CCDC102B: variants seen among roughly 807,000 people sequenced by gnomAD.
CCDC102B encodes coiled-coil domain containing 102B, also known as coiled-coil domain-containing protein 102B.
A neutral mutation model predicts 57.4 loss-of-function variants in CCDC102B; 75 were observed. That is an observed-to-expected ratio of 1.31 (90% CI 1.08 to 1.58). CCDC102B has a LOEUF of 1.58. Among genes scored for constraint, CCDC102B ranks in the 40% most tolerant of loss-of-function variants. The pLI, the probability that CCDC102B is intolerant of heterozygous loss-of-function variation, is 0.00. For synonymous variants in CCDC102B, 206 were observed against 201.9 expected (o/e 1.02, Z -0.17); for missense variants, 636 against 582.6 (o/e 1.09, Z -0.94).
intron 6 of CCDC102B, among the ~76,000 whole-genome samples, chr18:69,003,961 TC>T (rs1276668616): frequency 2.6e-5 from 4 of 152,196 alleles, no homozygotes; most frequent in African/African-American, 4.8e-5. Flanking sequence ...TGATTTTCAA[TC>T]TTTTAGGCTT....
intron 1 of CCDC102B, among the ~76,000 whole-genome samples, chr18:68,809,897 G>T (rs1029531968): frequency 6.6e-6 from 1 of 152,056 alleles, no homozygotes; most frequent in African/African-American, 2.4e-5. Flanking sequence ...TGCTTTACCT[G>T]CATTTTCTCA....
intron 6 of CCDC102B, among the ~76,000 whole-genome samples, chr18:68,904,035 A>G (rs1006065030): frequency 6.6e-6 from 1 of 152,184 alleles, no homozygotes; most frequent in Non-Finnish European, 1.5e-5. Flanking sequence ...TTTTCCTCAT[A>G]TGATATGTTG....
chr18:68,957,122 T>C (rs2049921696), intron 6 of CCDC102B, among the ~76,000 whole-genome samples: 2 of 152,230 alleles, frequency 1.3e-5, no homozygotes, highest in Non-Finnish European at 1.5e-5. Flanking sequence ...GTGCAGAAGT[T>C]TTTTTAACTT....
intron 1 of CCDC102B, among the ~76,000 whole-genome samples, chr18:68,816,786 CAA>C (rs1181453402): frequency 1.3e-5 from 2 of 152,116 alleles, no homozygotes; most frequent in Admixed American, 6.5e-5. Context: ...TCTAAGGGAA[CAA>C]AAAGTCTTGC....
At chr18:69,016,154 C>T (rs533397686) in intron 7 of CCDC102B, among the ~76,000 whole-genome samples, 5 of 151,774 alleles carry the variant, frequency 3.3e-5, no homozygotes, top group African/African-American at 7.2e-5. Flanking sequence ...TGAGCCACCG[C>T]GCCCGGCCAA....
chr18:68,730,294 C>T (rs959582949), intron 2 of CCDC102B, among the ~76,000 whole-genome samples: 3 of 152,018 alleles, frequency 2.0e-5, no homozygotes, highest in Non-Finnish European at 2.9e-5. Context: ...AATTTAGTGC[C>T]GTGTTTTCTT....
intron 6 of CCDC102B, among the ~76,000 whole-genome samples, chr18:68,973,553 A>C (rs1306803748): frequency 6.6e-6 from 1 of 152,110 alleles, no homozygotes; most frequent in Non-Finnish European, 1.5e-5. Flanking sequence ...ATGCTTAGAA[A>C]TGGTGGTGGG....
chr18:68,779,054 A>G (rs2034919351), intron 2 of CCDC102B, among the ~76,000 whole-genome samples: 1 of 152,106 alleles, frequency 6.6e-6, no homozygotes, highest in South Asian at 2.1e-4. Flanking sequence ...AACGACACAC[A>G]CTATCCAGAG....
intron 6 of CCDC102B, among the ~76,000 whole-genome samples, chr18:68,901,934 C>G (rs2040468835): frequency 6.6e-6 from 1 of 152,082 alleles, no homozygotes; most frequent in Non-Finnish European, 1.5e-5. Flanking sequence ...AGATATAAAC[C>G]TCCTTCATTC....
intron 2 of CCDC102B, among the ~76,000 whole-genome samples, chr18:68,743,396 C>T (rs1323293788): frequency 6.6e-6 from 1 of 151,958 alleles, no homozygotes; most frequent in Non-Finnish European, 1.5e-5. Flanking sequence ...TGAGACAGAG[C>T]GATACTCCAT....
At chr18:68,797,516 A>G (rs1870541207), upstream of CCDC102B, among the ~76,000 whole-genome samples, 2 of 152,058 alleles carry the variant, frequency 1.3e-5, no homozygotes, top group African/African-American at 4.8e-5. Flanking sequence ...AAGGGGCCAG[A>G]GAGCTTTCAC....
intron 2 of CCDC102B, among the ~76,000 whole-genome samples, chr18:68,777,772 C>A (rs2034874643): frequency 6.6e-6 from 1 of 151,564 alleles, no homozygotes; most frequent in Admixed American, 6.6e-5. Context: ...AGTAAATAAA[C>A]AAATAAACAG....
At chr18:68,909,693 TG>T (rs1163220002) in intron 6 of CCDC102B, among the ~76,000 whole-genome samples, 6 of 152,182 alleles carry the variant, frequency 3.9e-5, no homozygotes, top group Non-Finnish European at 8.8e-5. Flanking sequence ...GAATCAACTG[TG>T]GGAAGCTGAA....
At chr18:68,848,765 G>A (rs1185821125) in intron 4 of CCDC102B, among the ~76,000 whole-genome samples, 1 of 151,946 alleles carries the variant, frequency 6.6e-6, no homozygotes, top group Non-Finnish European at 1.5e-5. Context: ...ATGGTCTAGA[G>A]GATCAAACAT....
chr18:68,828,363 A>G (rs187576338), intron 1 of CCDC102B, among the ~76,000 whole-genome samples: 1 of 148,888 alleles, frequency 6.7e-6, no homozygotes, highest in East Asian at 1.9e-4. Context: ...AACTAATGTA[A>G]AAGAATTGAA....
chr18:68,877,914 A>T (rs899682803), intron 5 of CCDC102B, among the ~76,000 whole-genome samples: 3 of 152,180 alleles, frequency 2.0e-5, no homozygotes, highest in African/African-American at 7.2e-5. Context: ...GTGGCTCGTA[A>T]TCACTCAACA....
At chr18:68,800,084 T>C (rs1490773981) in intron 1 of CCDC102B, among the ~76,000 whole-genome samples, 1 of 152,172 alleles carries the variant, frequency 6.6e-6, no homozygotes, top group Admixed American at 6.5e-5. Flanking sequence ...ACAATTTTGA[T>C]AGCTTTGCAA....
chr18:68,728,225 G>A (rs906030581), intron 2 of CCDC102B, among the ~76,000 whole-genome samples: 1 of 152,168 alleles, frequency 6.6e-6, no homozygotes, highest in African/African-American at 2.4e-5. Context: ...GCCAGCAGGA[G>A]AGGCAACATT....
chr18:68,864,815 GCTGA>G (rs2038906519), intron 4 of CCDC102B, among the ~76,000 whole-genome samples: 1 of 152,014 alleles, frequency 6.6e-6, no homozygotes, highest in Admixed American at 6.6e-5. Flanking sequence ...CTGCTCAAGA[GCTGA>G]CTATTCTTAA....
Sources: allele counts gnomAD v4.1 joint callset (sites outside exome capture counted in the v4.1 genomes callset), GRCh38; gene constraint gnomAD v4.1.1; transcripts MANE v1.5; gene names NCBI Gene and HGNC (gene_info 2026-07-23, HGNC 2026-07-21).